The following ARMH4 variants were observed in gnomAD, a reference collection of about 807,000 sequenced individuals.
The protein encoded by ARMH4 is armadillo-like helical domain-containing protein 4.
ARMH4 carries 49 observed loss-of-function variants against 61.9 expected under a neutral mutation model. The observed-to-expected ratio is 0.79, with a 90% CI of 0.63 to 1.00. The LOEUF is 1.00. Among genes scored for constraint, ARMH4 ranks in the 50% least tolerant of loss-of-function variants. ARMH4 has a pLI of 0.00. For synonymous variants in ARMH4, 368 were observed against 341.5 expected (o/e 1.08, Z -0.85); for missense variants, 934 against 930.0 (o/e 1.00, Z -0.06).
At chr14:58,114,698 C>A (rs1405512591) in intron 4 of ARMH4, among the ~76,000 whole-genome samples, 1 of 152,132 alleles carries the variant, frequency 6.6e-6, no homozygotes. Context: ...ATAAGAGAAT[C>A]TGTAATCTGG....
chr14:58,118,792 C>T (rs368163862), intron 4 of ARMH4, among the ~76,000 whole-genome samples: 3 of 152,112 alleles, frequency 2.0e-5, no homozygotes, highest in African/African-American at 7.2e-5. Context: ...TAGGTTTGAG[C>T]CAGGTCTTTT....
At chr14:58,147,057 A>G (rs887844463) in intron 1 of ARMH4, among the ~76,000 whole-genome samples, 5 of 152,186 alleles carry the variant, frequency 3.3e-5, no homozygotes, top group African/African-American at 1.2e-4. Flanking sequence ...AAGCTACCTC[A>G]TCTTGGCTTT....
At chr14:58,137,838 C>T (rs1414401022) in intron 2 of ARMH4, 152 bp downstream of exon 2, 2 of 747,202 alleles carry the variant, frequency 2.7e-6, no homozygotes, top group African/African-American at 1.8e-5. Flanking sequence ...CCTCACACCT[C>T]GGCCTCCGAA....
intron 6 of ARMH4, among the ~76,000 whole-genome samples, chr14:58,009,493 T>C (rs1312917129): frequency 1.3e-5 from 2 of 151,920 alleles, no homozygotes; most frequent in Non-Finnish European, 2.9e-5. Context: ...CACTAACCTG[T>C]GACTATCTCC....
chr14:58,112,677 C>A (rs1886393740), intron 4 of ARMH4, among the ~76,000 whole-genome samples: 1 of 152,190 alleles, frequency 6.6e-6, no homozygotes, highest in African/African-American at 2.4e-5. Flanking sequence ...AAATGCAATG[C>A]CTTCATAAGT....
At chr14:58,122,491 T>C (rs1479718282) in intron 4 of ARMH4, among the ~76,000 whole-genome samples, 2 of 152,132 alleles carry the variant, frequency 1.3e-5, no homozygotes, top group Non-Finnish European at 2.9e-5. Context: ...CCCAGTCAGC[T>C]ACAGACATTA....
At chr14:58,023,055 G>C (rs541647641) in intron 5 of ARMH4, among the ~76,000 whole-genome samples, 2 of 152,312 alleles carry the variant, frequency 1.3e-5, no homozygotes, top group East Asian at 3.9e-4. Context: ...ATTTTTGCTG[G>C]ATGAAGGGTC....
chr14:58,126,878 C>T (rs1300831877), intron 4 of ARMH4, among the ~76,000 whole-genome samples: 1 of 149,224 alleles, frequency 6.7e-6, no homozygotes, highest in Non-Finnish European at 1.5e-5. Flanking sequence ...TCTCGGCTCA[C>T]TGCAACCTAT....
chr14:58,087,489 A>G (rs1187586524), intron 5 of ARMH4, among the ~76,000 whole-genome samples: 2 of 152,152 alleles, frequency 1.3e-5, no homozygotes, highest in African/African-American at 4.8e-5. Context: ...GGTTTCCTTC[A>G]TTACATTAGC....
intron 5 of ARMH4, among the ~76,000 whole-genome samples, chr14:58,026,712 A>G (rs1291666478): frequency 6.6e-6 from 1 of 152,132 alleles, no homozygotes; most frequent in Admixed American, 6.6e-5. Flanking sequence ...CTCTACCCTC[A>G]GTCCCTCCTC....
At chr14:58,084,563 C>G (rs766401674) in intron 5 of ARMH4, among the ~76,000 whole-genome samples, 2 of 152,174 alleles carry the variant, frequency 1.3e-5, no homozygotes, top group Non-Finnish European at 2.9e-5. Flanking sequence ...GTATTTACCC[C>G]CAAGGATTCA....
intron 5 of ARMH4, among the ~76,000 whole-genome samples, chr14:58,077,006 G>T (rs1885067993): frequency 6.6e-6 from 1 of 152,124 alleles, no homozygotes; most frequent in Admixed American, 6.6e-5. Flanking sequence ...CCATAATCTT[G>T]CTTAGCTTGG....
At chr14:58,078,691 C>T (rs1425251854) in intron 5 of ARMH4, among the ~76,000 whole-genome samples, 1 of 152,200 alleles carries the variant, frequency 6.6e-6, no homozygotes, top group Non-Finnish European at 1.5e-5. Flanking sequence ...TTGCAACTAA[C>T]TCAATTCCAA....
At chr14:58,029,623 T>G (rs1362335713) in intron 5 of ARMH4, among the ~76,000 whole-genome samples, 2 of 152,136 alleles carry the variant, frequency 1.3e-5, no homozygotes, top group African/African-American at 4.8e-5. Flanking sequence ...CATGAGGCAT[T>G]AGGGAAATGC....
chr14:58,014,409 G>A (rs34923459), intron 5 of ARMH4, among the ~76,000 whole-genome samples: 26,706 of 152,046 alleles, frequency 0.18, 3,171 homozygotes, highest in East Asian at 0.56. Flanking sequence ...AAGATCCACC[G>A]CTGATTCACT....
chr14:58,065,783 T>A (rs1884682652), intron 5 of ARMH4, among the ~76,000 whole-genome samples: 1 of 152,256 alleles, frequency 6.6e-6, no homozygotes, highest in Non-Finnish European at 1.5e-5. Context: ...AAGATTGCAA[T>A]GTCTGCCTTG....
chr14:58,042,153 GCAC>G (rs1033092044), intron 5 of ARMH4, among the ~76,000 whole-genome samples: 28 of 152,166 alleles, frequency 1.8e-4, no homozygotes, highest in African/African-American at 6.5e-4. Context: ...ATTCTTCTCA[GCAC>G]CACATCACAT....
At chr14:58,147,406 C>T (rs2140002678) in intron 1 of ARMH4, among the ~76,000 whole-genome samples, 1 of 152,110 alleles carries the variant, frequency 6.6e-6, no homozygotes, top group South Asian at 2.1e-4. Context: ...CCTCCTCCTC[C>T]CAGGTTCAAG....
At chr14:58,012,252 C>T (rs1882437433) in intron 5 of ARMH4, 102 bp from the exon 6 acceptor site, 6 of 635,424 alleles carry the variant, frequency 9.4e-6, no homozygotes, top group South Asian at 4.4e-5. Context: ...GTATTAAATA[C>T]AGTAAAAGGA....
Sources: allele counts gnomAD v4.1 joint callset (sites outside exome capture counted in the v4.1 genomes callset), GRCh38; gene constraint gnomAD v4.1.1; transcripts MANE v1.5; gene names NCBI Gene and HGNC (gene_info 2026-07-23, HGNC 2026-07-21).